Variants in TENM2 observed in about 807,000 individuals in gnomAD.
The protein encoded by TENM2 is teneurin transmembrane protein 2.
In TENM2, 52 loss-of-function variants were observed where a neutral mutation model predicts 245.2. The ratio of observed to expected loss-of-function variants is 0.21; its 90% CI spans 0.17 to 0.27. TENM2 has a LOEUF of 0.27. TENM2 is among the 10% of genes least tolerant of loss of function. The pLI, the probability that TENM2 is intolerant of heterozygous loss-of-function variation, is 1.00. For missense variants in TENM2, 3,046 were observed against 3,666.8 expected (o/e 0.83, Z 4.37); for synonymous variants, 1,363 against 1,438.9 (o/e 0.95, Z 1.19).
intron 2 of TENM2, among the ~76,000 whole-genome samples, chr5:167,487,353 G>GTA (rs1170506914): frequency 6.6e-6 from 1 of 152,100 alleles, no homozygotes; most frequent in African/African-American, 2.4e-5. Context: ...GTGTGTGTGT[G>GTA]TATATGAGTG....
chr5:167,940,832 C>G (rs1779117936), intron 3 of TENM2, among the ~76,000 whole-genome samples: 1 of 152,216 alleles, frequency 6.6e-6, no homozygotes, highest in Non-Finnish European at 1.5e-5. Context: ...TTCCCTCAGA[C>G]ACTGGAATGG....
chr5:167,606,048 G>C (rs2127738286), intron 2 of TENM2, among the ~76,000 whole-genome samples: 1 of 152,204 alleles, frequency 6.6e-6, no homozygotes, highest in African/African-American at 2.4e-5. Context: ...TTAGAGCCCG[G>C]ACTAAAACTC....
intron 3 of TENM2, among the ~76,000 whole-genome samples, chr5:167,900,282 TA>T (rs922922614): frequency 8.7e-5 from 13 of 150,024 alleles, no homozygotes; most frequent in East Asian, 5.8e-4. Flanking sequence ...CTCTTGCAAT[TA>T]AAAAAAAAAT....
At chr5:167,720,232 C>A (rs191020036) in intron 2 of TENM2, among the ~76,000 whole-genome samples, 36 of 152,098 alleles carry the variant, frequency 2.4e-4, no homozygotes, top group African/African-American at 8.4e-4. Flanking sequence ...TTACTAATTA[C>A]CTACTTGAAA....
rs144332740 is a variant in TENM2, at chr5:167,817,564, T to C, written c.503-58422T>C. Among the ~76,000 whole-genome samples, 710 of 152,330 alleles carry C rather than the reference T, an allele frequency of 4.7e-3. 3 individuals are homozygous for C. Among genetic ancestry groups the C allele is most frequent in the Middle Eastern group, 0.01 (3 of 294 alleles). ...CCATCAAAACCATTAGATAGTTAGA[T>C]GGCTTAACAAACTGTGAAAAGTAGA... On this transcript the variant is annotated intron_variant, in intron 2 of 28. Transcript: ENST00000518659.
intron 2 of TENM2, among the ~76,000 whole-genome samples, chr5:167,515,675 A>ATATACATATATATG (rs1389957254): frequency 2.0e-5 from 3 of 148,594 alleles, no homozygotes; most frequent in South Asian, 2.1e-4. Flanking sequence ...ATATGTGTAT[A>ATATACATATATATG]TATATTTTGA....
At chr5:168,108,643 A>G (rs1254579759) in intron 9 of TENM2, among the ~76,000 whole-genome samples, 2 of 152,222 alleles carry the variant, frequency 1.3e-5, no homozygotes, top group Admixed American at 6.5e-5. Context: ...GTTACATAGC[A>G]GGGCCACGTC....
At chr5:167,873,118 G>T (rs1773122421) in intron 2 of TENM2, among the ~76,000 whole-genome samples, 1 of 152,252 alleles carries the variant, frequency 6.6e-6, no homozygotes, top group Non-Finnish European at 1.5e-5. Flanking sequence ...CAGTGCCTTG[G>T]TCAGGATTCC....
intron 2 of TENM2, among the ~76,000 whole-genome samples, chr5:167,497,272 C>G (rs1768881150): frequency 6.6e-6 from 1 of 151,990 alleles, no homozygotes; most frequent in Non-Finnish European, 1.5e-5. Flanking sequence ...GCTGATACTT[C>G]CAATATAGAG....
intron 2 of TENM2, among the ~76,000 whole-genome samples, chr5:167,737,613 G>A (rs1760891701): frequency 6.6e-6 from 1 of 152,126 alleles, no homozygotes; most frequent in Non-Finnish European, 1.5e-5. Flanking sequence ...CAATCATGCT[G>A]GGGAGTCCAG....
chr5:167,064,129 C>G, the TENM2 span, among the ~76,000 whole-genome samples: 1 of 152,198 alleles, frequency 6.6e-6, no homozygotes, highest in South Asian at 2.1e-4. Flanking sequence ...GAAGAAGTTT[C>G]CCCTACAATT....
At chr5:167,709,105 G>T (rs893652168) in intron 2 of TENM2, among the ~76,000 whole-genome samples, 3 of 152,080 alleles carry the variant, frequency 2.0e-5, no homozygotes, top group Non-Finnish European at 4.4e-5. Context: ...CCAGAGCTCT[G>T]GAGGAAGTCT....
chr5:167,591,522 A>G (rs1775874204), intron 2 of TENM2, among the ~76,000 whole-genome samples: 1 of 152,194 alleles, frequency 6.6e-6, no homozygotes. Flanking sequence ...GATAACTCTA[A>G]TCAGATCTTA....
chr5:167,805,234 T>G (rs1232144882), intron 2 of TENM2, among the ~76,000 whole-genome samples: 1 of 150,776 alleles, frequency 6.6e-6, no homozygotes, highest in Non-Finnish European at 1.5e-5. Context: ...TCCATTCAAT[T>G]GTTTCATGTC....
At chr5:167,817,872 C>T (rs1210030194) in intron 2 of TENM2, among the ~76,000 whole-genome samples, 1 of 152,178 alleles carries the variant, frequency 6.6e-6, no homozygotes, top group Non-Finnish European at 1.5e-5. Context: ...TGAATTTGAG[C>T]AAAGTCCCTT....
chr5:167,279,854 TTA>T (rs1288123704), upstream of TENM2, among the ~76,000 whole-genome samples: 1 of 152,198 alleles, frequency 6.6e-6, no homozygotes, highest in Non-Finnish European at 1.5e-5. Flanking sequence ...TGATGGCTGC[TTA>T]TATCAGATAA....
intron 2 of TENM2, among the ~76,000 whole-genome samples, chr5:167,464,875 A>G (rs1229131198): frequency 2.6e-5 from 4 of 152,202 alleles, no homozygotes; most frequent in African/African-American, 9.7e-5. Flanking sequence ...TTCACTATGC[A>G]TTTGTTGAAA....
At position 167,632,120 on chromosome 5, in the gene TENM2, C is replaced by A. The variant is rs568715668; in HGVS notation, c.503-243866C>A. On this transcript the variant is annotated intron_variant, in intron 2 of 28. Coordinates refer to ENST00000518659, the Ensembl canonical transcript of TENM2. ...GCAGCAATCCTGTGGGGGTTTTAAA[C>A]AGTCCCTGTAGATGTTGCTTTTTAC... Among the ~76,000 whole-genome samples, 49 of 152,256 alleles carry A rather than the reference C, an allele frequency of 3.2e-4. 1 individual carries two copies. Among genetic ancestry groups the A allele is most frequent in the Admixed American group, 2.8e-3 (43 of 15,296 alleles).
chr5:168,081,411 G>A (rs532356180), intron 7 of TENM2, among the ~76,000 whole-genome samples: 1 of 152,214 alleles, frequency 6.6e-6, no homozygotes, highest in African/African-American at 2.4e-5. Flanking sequence ...CTTTTAATTG[G>A]AGCATTTAGC....
Sources: gnomAD v4.1 joint callset for allele counts (sites outside exome capture counted in the v4.1 genomes callset) on GRCh38, gnomAD v4.1.1 for gene constraint, MANE v1.5 for transcripts, NCBI Gene and HGNC (gene_info 2026-07-23, HGNC 2026-07-21) for gene names.